SLC22A24: variants seen among roughly 807,000 people sequenced by gnomAD.
SLC22A24 encodes the protein solute carrier family 22 member 24.
In SLC22A24, 53 loss-of-function variants were observed where a neutral mutation model predicts 49.8. The ratio of observed to expected loss-of-function variants is 1.06; its 90% confidence interval spans 0.85 to 1.34. SLC22A24 has a LOEUF of 1.34. SLC22A24 is among the 40% of genes most tolerant of loss of function. The pLI, the probability that SLC22A24 is intolerant of heterozygous loss-of-function variation, is 0.00. For synonymous variants in SLC22A24, 302 were observed against 256.4 expected, an observed-to-expected ratio of 1.18 and a Z score of -1.70; for missense variants, 786 against 675.9, an observed-to-expected ratio of 1.16 and a Z score of -1.81.
Position 63,089,492 on chromosome 11 carries a change from T to C in SLC22A24, c.1071-6035A>G, listed in dbSNP as rs1349829897. 2.6e-5 allele frequency among the ~76,000 whole-genome samples: 4 copies of C among 152,050 alleles called. No homozygotes were observed. The East Asian group carries it at 7.7e-4, about 29-fold the overall frequency. On this transcript the variant is annotated intron_variant, in intron 6 of 9. Transcript: ENST00000612278. ...AGCAAAATATACAGAGCAATAACAC[T>C]ATGAAGAAAGCGCATCAACTAATGG...
intron 4 of SLC22A24, among the ~76,000 whole-genome samples, chr11:63,114,413 A>G (rs1388726048): frequency 9.2e-5 from 14 of 152,174 alleles, no homozygotes; most frequent in South Asian, 4.1e-4. Flanking sequence ...TTTCAGCTCC[A>G]TCAGGTCACT....
chr11:63,102,542 G>T lies in SLC22A24; in HGVS notation c.954+1633C>A, dbSNP rs138116907. Among the ~76,000 whole-genome samples, 121 of 152,204 alleles carry T rather than the reference G, an allele frequency of 7.9e-4. 2 individuals carry two copies. In the South Asian group the frequency reaches 0.011, roughly 13 times the overall value. ...ACCCCAATGGGTTGACAGGTGATCT[G>T]CCATGTTTTTGAGAAATCTTTGGTG... On this transcript the variant is annotated intron_variant, in intron 5 of 9. Transcript: ENST00000612278.
intron 2 of SLC22A24, among the ~76,000 whole-genome samples, chr11:63,128,339 C>T (rs879684111): frequency 2.6e-5 from 4 of 152,018 alleles, no homozygotes; most frequent in Admixed American, 2.0e-4. Context: ...TGTTACCTAG[C>T]GGACCTTGGT....
At chr11:63,081,742 TA>T in intron 7 of SLC22A24, 76 bp from the exon 8 acceptor site, 1 of 982,474 alleles carries the variant, frequency 1.0e-6, no homozygotes, top group Non-Finnish European at 1.6e-6. Context: ...AAAAAGATTC[TA>T]ATGGAGGAAT....
At chr11:63,083,530 A>G in intron 6 of SLC22A24, 73 bp from the exon 7 acceptor site, 1 of 1,251,918 alleles carries the variant, frequency 8.0e-7, no homozygotes, top group Non-Finnish European at 1.1e-6. Context: ...TGAGATTTTG[A>G]AGGTAAGTCC....
At chr11:63,093,162 T>A (rs1469099602) in intron 6 of SLC22A24, among the ~76,000 whole-genome samples, 2 of 152,168 alleles carry the variant, frequency 1.3e-5, no homozygotes, top group East Asian at 3.9e-4. Flanking sequence ...CCAGTTAGAA[T>A]GGTACTCATT....
At chr11:63,126,629 C>G (rs1590747056) in intron 2 of SLC22A24, among the ~76,000 whole-genome samples, 2 of 152,226 alleles carry the variant, frequency 1.3e-5, no homozygotes, top group East Asian at 3.9e-4. Flanking sequence ...TAAGGATTTT[C>G]TTAGCTATGT....
At chr11:63,129,015 C>T (rs555718528) in intron 2 of SLC22A24, among the ~76,000 whole-genome samples, 1 of 152,266 alleles carries the variant, frequency 6.6e-6, no homozygotes, top group Non-Finnish European at 1.5e-5. Flanking sequence ...GCTTTTGTTG[C>T]CATTGTTTTG....
intron 2 of SLC22A24, among the ~76,000 whole-genome samples, chr11:63,124,716 T>C (rs2087275956): frequency 1.3e-5 from 2 of 152,126 alleles, no homozygotes; most frequent in African/African-American, 4.8e-5. Context: ...TCATATCCCT[T>C]ATTAAACATT....
intron 6 of SLC22A24, among the ~76,000 whole-genome samples, chr11:63,086,936 C>T (rs1382902142): frequency 6.6e-6 from 1 of 151,358 alleles, no homozygotes; most frequent in Admixed American, 6.6e-5. Flanking sequence ...TAACAGGGAA[C>T]TTTATAGTTC....
intron 7 of SLC22A24, among the ~76,000 whole-genome samples, chr11:63,082,616 G>T (rs1296385123): frequency 6.6e-6 from 1 of 152,202 alleles, no homozygotes; most frequent in Non-Finnish European, 1.5e-5. Context: ...TTGTTTAGGG[G>T]TAGATTATAA....
intron 2 of SLC22A24, among the ~76,000 whole-genome samples, chr11:63,127,816 G>A (rs919722732): frequency 2.4e-4 from 37 of 151,882 alleles, no homozygotes; most frequent in African/African-American, 8.4e-4. Flanking sequence ...CCCACTTTTT[G>A]ATTTTTTTTT....
At chr11:63,080,236 A>G (rs1331680965) in intron 9 of SLC22A24, among the ~76,000 whole-genome samples, 5 of 152,180 alleles carry the variant, frequency 3.3e-5, no homozygotes, top group Admixed American at 2.0e-4. Flanking sequence ...TTTGGATCTC[A>G]GACCAATGAC....
chr11:63,110,117 T>C (rs2087151939), intron 4 of SLC22A24, among the ~76,000 whole-genome samples: 1 of 151,868 alleles, frequency 6.6e-6, no homozygotes, highest in Admixed American at 6.6e-5. Context: ...CCTTTCCCCA[T>C]TGCTTGTTTT....
At chr11:63,113,247 C>T (rs1295933755) in intron 4 of SLC22A24, among the ~76,000 whole-genome samples, 9 of 136,504 alleles carry the variant, frequency 6.6e-5, no homozygotes, top group African/African-American at 2.4e-4. Context: ...TATATATACA[C>T]ACATACACAC....
chr11:63,108,162 A>G (rs2087134997), intron 4 of SLC22A24, among the ~76,000 whole-genome samples: 1 of 152,150 alleles, frequency 6.6e-6, no homozygotes, highest in Admixed American at 6.6e-5. Context: ...GAATTTTGTC[A>G]AAGGCCTTTT....
chr11:63,104,812 A>G (rs2087110571), intron 4 of SLC22A24, among the ~76,000 whole-genome samples: 1 of 152,124 alleles, frequency 6.6e-6, no homozygotes, highest in African/African-American at 2.4e-5. Flanking sequence ...GGTCCCTCCC[A>G]AATCTCATGT....
At chr11:63,114,574 C>T (rs1055038822) in intron 4 of SLC22A24, among the ~76,000 whole-genome samples, 4 of 152,174 alleles carry the variant, frequency 2.6e-5, no homozygotes, top group African/African-American at 9.7e-5. Context: ...ATCAAAGTAG[C>T]TCTCCATCCA....
At chr11:63,085,517 G>A (rs1280136887) in intron 6 of SLC22A24, among the ~76,000 whole-genome samples, 1 of 152,160 alleles carries the variant, frequency 6.6e-6, no homozygotes, top group Non-Finnish European at 1.5e-5. Flanking sequence ...TGCTTTGACA[G>A]CAGGTTTTCG....
Sources: gnomAD v4.1 joint callset for allele counts (sites outside exome capture counted in the v4.1 genomes callset) on GRCh38, gnomAD v4.1.1 for gene constraint, MANE v1.5 for transcripts, NCBI Gene and HGNC (gene_info 2026-07-23, HGNC 2026-07-21) for gene names.